COMMD1: variants seen among roughly 807,000 people sequenced by gnomAD.
The protein encoded by COMMD1 is COMM domain-containing protein 1.
In COMMD1, 10 loss-of-function variants were observed where a neutral mutation model predicts 17.2. That is an observed-to-expected ratio of 0.58 (90% CI 0.36 to 0.99). The LOEUF (loss-of-function observed/expected upper bound fraction) is 0.99, where lower values mean the gene tolerates loss of function less well. COMMD1 is among the 50% of genes least tolerant of loss of function. The pLI is 0.01. For synonymous variants in COMMD1, 97 were observed against 91.6 expected (o/e 1.06, Z -0.34); for missense variants, 270 against 231.8 (o/e 1.17, Z -1.07).
chr2:62,035,407 G>A (rs1203406496), intron 2 of COMMD1, among the ~76,000 whole-genome samples: 1 of 152,140 alleles, frequency 6.6e-6, no homozygotes, highest in African/African-American at 2.4e-5. Flanking sequence ...TGTGTTGAGA[G>A]AGAGCCAGAG....
At chr2:61,916,860 T>G (rs562774802) in intron 1 of COMMD1, among the ~76,000 whole-genome samples, 2 of 152,334 alleles carry the variant, frequency 1.3e-5, no homozygotes, top group African/African-American at 2.4e-5. Context: ...GACAAACATT[T>G]TATTGCTAAG....
rs11310507 is a variant in COMMD1 at position 62,002,491 on chromosome 2, G to GAAAAA, written c.462+1538_462+1542dup. Among the ~76,000 whole-genome samples, 177 of 35,100 alleles carry GAAAAA rather than the reference G, an allele frequency of 5.0e-3. 6 individuals carry two copies. Among genetic ancestry groups the GAAAAA allele is most frequent in the Middle Eastern group, 0.045 (1 of 22 alleles). 23.0% of individuals were successfully genotyped at this position (35,100 alleles called of 152,430 possible). A position where few individuals can be genotyped will look rare whatever the true frequency, so the allele number is the denominator to read the frequency against. On this transcript the variant is annotated intron_variant, in intron 2 of 2. Coordinates refer to ENST00000311832, the MANE Select transcript of COMMD1 (RefSeq NM_152516.4). ...GGGTGACAAGAGCGAGATTCCACCA[G>GAAAAA]AAAAAAAAAAAAAAAAAAAAAAAAA... is the stretch of plus-strand genomic sequence containing the variant.
intron 2 of COMMD1, among the ~76,000 whole-genome samples, chr2:62,095,084 C>T (rs17038290): frequency 0.05 from 7,605 of 152,228 alleles, 661 homozygotes; most frequent in African/African-American, 0.17. Context: ...ATAATTCTCA[C>T]AAAGGAGTTT....
intron 2 of COMMD1, among the ~76,000 whole-genome samples, chr2:62,014,259 A>G (rs1236565913): frequency 2.6e-5 from 4 of 152,128 alleles, no homozygotes; most frequent in African/African-American, 9.7e-5. Flanking sequence ...GGTGCTTGAG[A>G]GGAAGCCAGG....
intron 2 of COMMD1, among the ~76,000 whole-genome samples, chr2:62,094,741 G>T (rs573406100): frequency 1.3e-5 from 2 of 151,898 alleles, no homozygotes; most frequent in East Asian, 3.9e-4. Context: ...GCTCAGCTTT[G>T]AGTTTACAAA....
At chr2:61,888,811 G>A (rs538373822) in exon 1 of COMMD1, 2 of 431,648 alleles carry the variant, frequency 4.6e-6, no homozygotes, top group South Asian at 3.1e-5. Flanking sequence ...ACGCGAGGCA[G>A]CAATGACAAC....
At chr2:62,108,901 T>G (rs73936036) in intron 2 of COMMD1, among the ~76,000 whole-genome samples, 9,929 of 152,218 alleles carry the variant, frequency 0.065, 1,098 homozygotes, top group African/African-American at 0.23. Flanking sequence ...CTGGCAACAC[T>G]GGGCCCACTT....
At chr2:61,899,874 G>A (rs902620244) in intron 1 of COMMD1, among the ~76,000 whole-genome samples, 1 of 152,132 alleles carries the variant, frequency 6.6e-6, no homozygotes, top group Admixed American at 6.6e-5. Context: ...GTTTTACTGT[G>A]TTGGCTAGGC....
intron 2 of COMMD1, among the ~76,000 whole-genome samples, chr2:62,044,189 T>G (rs1195769639): frequency 2.6e-5 from 4 of 152,224 alleles, no homozygotes; most frequent in Admixed American, 6.5e-5. Flanking sequence ...GGCAGCCAAT[T>G]TATAATCAAT....
At chr2:62,052,881 C>T (rs922556549) in intron 2 of COMMD1, among the ~76,000 whole-genome samples, 1 of 152,124 alleles carries the variant, frequency 6.6e-6, no homozygotes, top group Non-Finnish European at 1.5e-5. Context: ...CCAGCCTGGG[C>T]AACATGACAA....
intron 2 of COMMD1, among the ~76,000 whole-genome samples, chr2:62,098,459 G>T (rs200075845): frequency 3.3e-5 from 2 of 60,292 alleles, no homozygotes; most frequent in Non-Finnish European, 6.2e-5. Context: ...TAGGGTTGAT[G>T]TCAGCTAGGG....
chr2:61,905,695 T>C lies in COMMD1; in HGVS notation c.17T>C (p.Leu6Pro). 1 of 1,576,040 alleles carries C rather than the reference T, an allele frequency of 6.3e-7. No individual in the cohort carries two copies. The highest frequency in any genetic ancestry group is 8.6e-7 in the Non-Finnish European group (1 of 1,159,304). MAAGE[L>P]EGGKPLSGLL... ...TCGCAGAGCATGGCGGCGGGCGAGC[T>C]TGAGGGTGGCAAACCCCTGAGCGGG... The change falls in exon 1 of 3, where the codon CTT becomes CCT. Residue 6 changes from leucine (L) to proline (P), a missense_variant. Physicochemically the swap from Leu to Pro is moderately conservative, Grantham distance 98 (BLOSUM62 -3). Transcript: ENST00000311832.
At chr2:62,135,393 C>T (rs1673165216) in intron 2 of COMMD1, among the ~76,000 whole-genome samples, 1 of 151,960 alleles carries the variant, frequency 6.6e-6, no homozygotes, top group African/African-American at 2.4e-5. Context: ...CTCTCTCCCC[C>T]AGGCTGGAGT....
At chr2:62,061,543 T>G (rs544683613) in intron 2 of COMMD1, among the ~76,000 whole-genome samples, 94 of 150,708 alleles carry the variant, frequency 6.2e-4, no homozygotes, top group East Asian at 3.7e-3. Context: ...GTGGCTGTCT[T>G]TCTTTCTTTT....
intron 1 of COMMD1, among the ~76,000 whole-genome samples, chr2:61,963,994 G>T (rs530507075): frequency 9.9e-5 from 15 of 152,252 alleles, no homozygotes; most frequent in African/African-American, 3.4e-4. Flanking sequence ...CAAGTAAGCC[G>T]ATTTTCAACC....
Position 62,016,656 on chromosome 2 carries a change from C to T in COMMD1, c.462+15674C>T, listed in dbSNP as rs935030822. ...ATATATGGATTTGCAAATATTTTCT[C>T]CCGGTCTGGGTTTTCACTCCCCTCC... On this transcript the variant is annotated intron_variant, in intron 2 of 2. Transcript: ENST00000311832. Among the ~76,000 whole-genome samples the T allele has an allele frequency of 7.2e-5, 11 of 152,008 alleles. No homozygotes were observed. The South Asian group carries it at 2.3e-3, about 32-fold the overall frequency.
At position 61,942,737 on chromosome 2, in the gene COMMD1, C is replaced by T. The variant is rs541018241; in HGVS notation, c.180+36879C>T. On this transcript the variant is annotated intron_variant, in intron 1 of 2. Transcript: ENST00000311832. Reference sequence around the variant, plus strand: ...ATTTTTAGTAGAGGCGGGGTTTCACCATGTTGGCCAGGCTGGTCTTGAACT... The same window carrying T: ...ATTTTTAGTAGAGGCGGGGTTTCACTATGTTGGCCAGGCTGGTCTTGAACT... 7.9e-5 allele frequency among the ~76,000 whole-genome samples: 12 copies of T among 151,348 alleles called. No individual in the cohort carries two copies. In the East Asian group the frequency reaches 2.3e-3, roughly 29 times the overall value.
At chr2:62,047,828 T>C (rs1432925205) in intron 2 of COMMD1, among the ~76,000 whole-genome samples, 3 of 152,208 alleles carry the variant, frequency 2.0e-5, no homozygotes, top group Non-Finnish European at 2.9e-5. Context: ...ATTTTTATAC[T>C]GTATTATACC....
chr2:61,961,063 A>G (rs1006596473), intron 1 of COMMD1, among the ~76,000 whole-genome samples: 1 of 152,218 alleles, frequency 6.6e-6, no homozygotes, highest in Non-Finnish European at 1.5e-5. Flanking sequence ...ACTGCCCTAG[A>G]GGGGAAAGGG....
Sources: gnomAD v4.1 joint callset for allele counts (sites outside exome capture counted in the v4.1 genomes callset) on GRCh38, gnomAD v4.1.1 for gene constraint, MANE v1.5 for transcripts, NCBI Gene and HGNC (gene_info 2026-07-23, HGNC 2026-07-21) for gene names.